Variants in PTPRN2 observed in about 807,000 individuals in gnomAD.
The protein encoded by PTPRN2 is receptor-type tyrosine-protein phosphatase N2.
Under a neutral mutation model 118.8 loss-of-function variants are expected in PTPRN2, and 74 were observed. That is an observed-to-expected ratio of 0.62 (90% CI 0.52 to 0.76). The LOEUF (loss-of-function observed/expected upper bound fraction) is 0.76, where lower values mean the gene tolerates loss of function less well. PTPRN2 is among the 30% of genes least tolerant of loss of function. The pLI is 0.00. For missense variants in PTPRN2, 1,481 were observed against 1,394.4 expected, an observed-to-expected ratio of 1.06 and a Z score of -0.99; for synonymous variants, 641 against 608.0, an observed-to-expected ratio of 1.05 and a Z score of -0.80.
At chr7:158,193,659 G>A (rs950985484) in intron 4 of PTPRN2, among the ~76,000 whole-genome samples, 2 of 152,032 alleles carry the variant, frequency 1.3e-5, no homozygotes, top group African/African-American at 4.8e-5. Context: ...CCTAGGGATG[G>A]GCATGGCCCT....
intron 3 of PTPRN2, among the ~76,000 whole-genome samples, chr7:158,250,188 A>G (rs572323784): frequency 2.0e-5 from 3 of 152,328 alleles, no homozygotes; most frequent in African/African-American, 7.2e-5. Flanking sequence ...AAGCCGAACA[A>G]CAGGACCCAC....
intron 22 of PTPRN2, among the ~76,000 whole-genome samples, chr7:157,548,377 A>G (rs1437816980): frequency 6.6e-6 from 1 of 152,200 alleles, no homozygotes; most frequent in East Asian, 1.9e-4. Context: ...CCAAAGGCAC[A>G]CCAACCCCAG....
intron 11 of PTPRN2, among the ~76,000 whole-genome samples, chr7:157,904,524 T>G (rs1221160623): frequency 6.6e-6 from 1 of 152,206 alleles, no homozygotes; most frequent in East Asian, 1.9e-4. Context: ...CCGGGGAGTC[T>G]CACAAAGCAC....
chr7:157,551,925 C>T (rs1284424913), intron 21 of PTPRN2, among the ~76,000 whole-genome samples: 2 of 145,806 alleles, frequency 1.4e-5, no homozygotes, highest in Non-Finnish European at 3.0e-5. Flanking sequence ...ACCCCATGGG[C>T]ACCACGCACC....
In PTPRN2 at chr7:157,801,178, G is replaced by C. The variant is rs897474760; in HGVS notation, c.1788+97495C>G. Among the ~76,000 whole-genome samples the C allele has an allele frequency of 6.6e-6, 1 of 151,976 alleles. No homozygotes were observed. The highest frequency in any genetic ancestry group is 1.5e-5 in the Non-Finnish European group (1 of 68,018). ...CTTATGTGGTGTCACAATGCGTCTT[G>C]TGCCTCTCATCTGATTCCGCTACAC... On this transcript the variant is annotated intron_variant, in intron 12 of 22. Transcript: ENST00000389418. The surrounding 1 kb of genome is among the most constrained non-coding windows in gnomAD (Gnocchi z 4.2).
At chr7:157,668,084 A>G (rs1585207556) in intron 13 of PTPRN2, among the ~76,000 whole-genome samples, 1 of 152,340 alleles carries the variant, frequency 6.6e-6, no homozygotes, top group African/African-American at 2.4e-5. Context: ...TTCGGACACC[A>G]CAGTCCTCGC....
chr7:158,522,913 G>A (rs1387933164), intron 1 of PTPRN2, among the ~76,000 whole-genome samples: 1 of 152,226 alleles, frequency 6.6e-6, no homozygotes. Context: ...CGTGAGAAGG[G>A]AGAGGGCAGC....
chr7:157,565,397 C>T lies in PTPRN2; in HGVS notation c.2902+3505G>A, dbSNP rs1234993962. 2.6e-5 allele frequency among the ~76,000 whole-genome samples: 4 copies of T among 152,230 alleles called. No individual in the cohort carries two copies. In the East Asian group the frequency reaches 5.8e-4, roughly 22 times the overall value. On this transcript the variant is annotated intron_variant, in intron 21 of 22. Transcript: ENST00000389418. ...CCTGCCAGACAAAAGAAATGAGTCA[C>T]CCCAGACTCACTCTGCACCTTGTCA... is the stretch of plus-strand genomic sequence containing the variant.
At chr7:158,114,824 G>A (rs939738605) in intron 9 of PTPRN2, among the ~76,000 whole-genome samples, 2 of 152,198 alleles carry the variant, frequency 1.3e-5, no homozygotes, top group African/African-American at 4.8e-5. Flanking sequence ...CTAAGGCACA[G>A]AGCGCGAGAG....
At position 158,529,910 on chromosome 7, in the gene PTPRN2, C is replaced by T. The variant is rs1398427807; in HGVS notation, c.113-40125G>A. On this transcript the variant is annotated intron_variant, in intron 1 of 22. Transcript: ENST00000389418. This position sits in a 1 kb window ranked among gnomAD's most constrained non-coding sequence, Gnocchi z 4.7. The stretch of plus-strand genomic sequence containing the variant: ...CCACACACGTGCCACACACAGCACA[C>T]ATATGCACGCTACCACACACATGCA... 1.3e-5 allele frequency among the ~76,000 whole-genome samples: 2 copies of T among 152,078 alleles called. No individual in the cohort carries two copies. Among genetic ancestry groups the T allele is most frequent in the Non-Finnish European group, 2.9e-5 (2 of 68,000 alleles).
Position 158,069,640 on chromosome 7 carries a change from T to C in PTPRN2, c.1723+11658A>G, listed in dbSNP as rs113515741. On this transcript the variant is annotated intron_variant, in intron 11 of 22. Coordinates refer to ENST00000389418, the MANE Select transcript of PTPRN2 (RefSeq NM_002847.5). The stretch of plus-strand genomic sequence containing the variant: ...TCCTCCATTCTTTACCCACAATTGT[T>C]GCTATTCTTCTAACCCCATGACATC... Among the ~76,000 whole-genome samples the C allele has an allele frequency of 9.0e-3, 1,370 of 152,298 alleles. 13 individuals carry two copies. The highest frequency in any genetic ancestry group is 0.03 in the African/African-American group (1,235 of 41,574).
chr7:158,355,850 A>G (rs569025267), intron 2 of PTPRN2, among the ~76,000 whole-genome samples: 5 of 152,246 alleles, frequency 3.3e-5, no homozygotes, highest in Non-Finnish European at 5.9e-5. Flanking sequence ...GGCAGATGCG[A>G]ATCCTCCACG....
At chr7:157,579,638 G>A (rs1800243526) in intron 17 of PTPRN2, among the ~76,000 whole-genome samples, 3 of 152,260 alleles carry the variant, frequency 2.0e-5, no homozygotes, top group African/African-American at 7.2e-5. Flanking sequence ...CGGCCTGGAA[G>A]CCGCACTCAT....
intron 3 of PTPRN2, among the ~76,000 whole-genome samples, chr7:158,247,666 G>A (rs1796346021): frequency 6.6e-6 from 1 of 152,180 alleles, no homozygotes; most frequent in Non-Finnish European, 1.5e-5. Flanking sequence ...GCCCAGGCTG[G>A]AGTGCTATGG....
intron 2 of PTPRN2, among the ~76,000 whole-genome samples, chr7:158,483,906 G>A (rs12539983): frequency 0.19 from 28,861 of 152,144 alleles, 3,414 homozygotes; most frequent in South Asian, 0.32. Context: ...GGGAGGTCAA[G>A]GTGGGAGGAC....
intron 10 of PTPRN2, among the ~76,000 whole-genome samples, chr7:158,109,948 A>G (rs1816083416): frequency 6.6e-6 from 1 of 152,112 alleles, no homozygotes; most frequent in African/African-American, 2.4e-5. Flanking sequence ...GGAGCCAGTG[A>G]GTGAATGACG....
At position 157,540,535 on chromosome 7, in the gene PTPRN2, T is replaced by C. The variant is rs1797965216; in HGVS notation, c.*179A>G. The C allele has an allele frequency of 2.1e-6, 1 of 466,862 alleles. No homozygotes were observed. The highest frequency in any genetic ancestry group is 3.5e-5 in the East Asian group (1 of 28,880). 28.9% of individuals were successfully genotyped at this position (466,862 alleles called of 1,614,324 possible). A position where few individuals can be genotyped will look rare whatever the true frequency, so the allele number is the denominator to read the frequency against. ...AACTGGATTTTTCCACAAATCTCTC[T>C]TTATTATTGTTTGATTAAACAAAAA... is the stretch of plus-strand genomic sequence containing the variant. On this transcript the variant is annotated 3_prime_UTR_variant, in exon 23 of 23. Transcript: ENST00000389418.
At chr7:158,359,659 C>T (rs528354470) in intron 2 of PTPRN2, among the ~76,000 whole-genome samples, 1 of 152,278 alleles carries the variant, frequency 6.6e-6, no homozygotes, top group South Asian at 2.1e-4. Flanking sequence ...GTGACCATGG[C>T]TATTTAAAAA....
rs1411665127 is a variant in PTPRN2 at position 157,967,517 on chromosome 7, G to A, written c.1724-68780C>T. On this transcript the variant is annotated intron_variant, in intron 11 of 22. Transcript: ENST00000389418. The stretch of plus-strand genomic sequence containing the variant: ...GTTGTAAATGCCATGAGTTTCTTCT[G>A]TTTGTTGGACCGTAAAGCAATGGAG... Among the ~76,000 whole-genome samples the A allele has an allele frequency of 2.0e-5, 3 of 152,270 alleles. No homozygotes were observed. In the East Asian group the frequency reaches 5.8e-4, roughly 29 times the overall value.
Sources: allele counts gnomAD v4.1 joint callset (sites outside exome capture counted in the v4.1 genomes callset), GRCh38; gene constraint gnomAD v4.1.1; non-coding constraint Gnocchi (gnomAD v3.1); transcripts MANE v1.5; gene names NCBI Gene and HGNC (gene_info 2026-07-23, HGNC 2026-07-21).